The following ULK4 variants were observed in gnomAD, a reference collection of about 807,000 sequenced individuals.
The protein encoded by ULK4 is inactive serine/threonine-protein kinase ULK4.
A neutral mutation model predicts 160.6 loss-of-function variants in ULK4; 133 were observed. The observed-to-expected ratio is 0.83, with a 90% confidence interval of 0.72 to 0.96. The LOEUF is 0.96. Ranked by LOEUF, ULK4 falls within the 40% of genes least tolerant of loss-of-function variation. The pLI is 0.00. For synonymous variants in ULK4, 534 were observed against 539.8 expected (o/e 0.99, Z 0.15); for missense variants, 1,580 against 1,499.5 (o/e 1.05, Z -0.89).
intron 7 of ULK4, among the ~76,000 whole-genome samples, chr3:41,917,549 T>C (rs1699010971): frequency 6.6e-6 from 1 of 152,184 alleles, no homozygotes; most frequent in Admixed American, 6.6e-5. Flanking sequence ...TAACAATGTA[T>C]AGCAAAATGT....
chr3:41,896,535 T>A (rs1426772387), intron 15 of ULK4, among the ~76,000 whole-genome samples: 1 of 152,194 alleles, frequency 6.6e-6, no homozygotes, highest in East Asian at 1.9e-4. Context: ...ATTACAGGCA[T>A]GAGCCACTAC....
At chr3:41,458,956 A>C (rs1033078009) in intron 33 of ULK4, among the ~76,000 whole-genome samples, 6 of 152,162 alleles carry the variant, frequency 3.9e-5, no homozygotes, top group African/African-American at 1.2e-4. Flanking sequence ...GGGTTTCACC[A>C]TGTTGGCCAG....
chr3:41,779,985 T>TAAAAAAAA (rs777587812), intron 21 of ULK4, among the ~76,000 whole-genome samples: 2 of 59,318 alleles, frequency 3.4e-5, no homozygotes, highest in African/African-American at 9.3e-5. Flanking sequence ...TAGAGTATAA[T>TAAAAAAAA]AAAAAAAAAA....
intron 19 of ULK4, among the ~76,000 whole-genome samples, chr3:41,814,480 G>C (rs12631935): frequency 6.6e-6 from 1 of 152,046 alleles, no homozygotes; most frequent in Non-Finnish European, 1.5e-5. Context: ...TGTCACTTTG[G>C]AGAGATGTTT....
chr3:41,582,594 C>A (rs2030460879), intron 31 of ULK4, among the ~76,000 whole-genome samples: 1 of 152,200 alleles, frequency 6.6e-6, no homozygotes, highest in Non-Finnish European at 1.5e-5. Context: ...GCCTTCATCA[C>A]CTTGCTTTCT....
At chr3:41,735,067 G>C (rs2037980153) in intron 22 of ULK4, among the ~76,000 whole-genome samples, 1 of 152,204 alleles carries the variant, frequency 6.6e-6, no homozygotes, top group African/African-American at 2.4e-5. Flanking sequence ...ACTACAAAGA[G>C]AGGGATCGCA....
intron 32 of ULK4, among the ~76,000 whole-genome samples, chr3:41,498,339 A>AT (rs2125913805): frequency 6.6e-6 from 1 of 152,336 alleles, no homozygotes; most frequent in Admixed American, 6.5e-5. Flanking sequence ...GGAAATTAGA[A>AT]AACATTTCAA....
intron 17 of ULK4, among the ~76,000 whole-genome samples, chr3:41,849,564 G>A (rs562539603): frequency 6.6e-6 from 1 of 152,188 alleles, no homozygotes; most frequent in South Asian, 2.1e-4. Flanking sequence ...TACTATAATG[G>A]TAGATAGATG....
chr3:41,405,079 G>A (rs990942176), intron 34 of ULK4, among the ~76,000 whole-genome samples: 1 of 152,080 alleles, frequency 6.6e-6, no homozygotes, highest in East Asian at 1.9e-4. Context: ...CGTCACCCAG[G>A]TACTGAATAT....
rs143496545 is a variant in ULK4 at position 41,497,018 on chromosome 3, G to A, written c.3227-33765C>T. On this transcript the variant is annotated intron_variant, in intron 32 of 36. Transcript: ENST00000301831. ...CAAAAATTATTATGTATGCAAAGCA[G>A]CAGGGAAATGTAACCCATAACCAAA... 5.2e-3 allele frequency among the ~76,000 whole-genome samples: 714 copies of A among 137,442 alleles called. 4 individuals carry two copies. The highest frequency in any genetic ancestry group is 0.019 in the African/African-American group (689 of 37,012). The allele number at this position is 137,442 out of a possible 152,430, so 90.2% of individuals were successfully genotyped here.
At chr3:41,582,117 G>A (rs1012743129) in intron 31 of ULK4, among the ~76,000 whole-genome samples, 13 of 152,152 alleles carry the variant, frequency 8.5e-5, no homozygotes, top group African/African-American at 2.9e-4. Flanking sequence ...TGAATCATGG[G>A]GGTAATTTCC....
At chr3:41,789,240 A>G (rs770166338) in intron 21 of ULK4, among the ~76,000 whole-genome samples, 3 of 152,222 alleles carry the variant, frequency 2.0e-5, no homozygotes, top group Admixed American at 6.5e-5. Context: ...TGGGGGCTCT[A>G]TAATTTCAAC....
intron 21 of ULK4, among the ~76,000 whole-genome samples, chr3:41,773,168 G>T (rs1265711294): frequency 6.6e-6 from 1 of 152,154 alleles, no homozygotes; most frequent in Non-Finnish European, 1.5e-5. Context: ...CACAAGACAG[G>T]GATGCCCTCT....
intron 27 of ULK4, among the ~76,000 whole-genome samples, chr3:41,689,151 TCCCCTCC>T (rs1359651200): frequency 2.0e-5 from 3 of 152,142 alleles, no homozygotes; most frequent in Admixed American, 2.0e-4. Context: ...CTTCTCCCAC[TCCCCTCC>T]TTGCCTTTAA....
At chr3:41,887,027 ACAAAGT>A (rs1372007443) in intron 16 of ULK4, among the ~76,000 whole-genome samples, 6 of 152,232 alleles carry the variant, frequency 3.9e-5, no homozygotes, top group African/African-American at 1.4e-4. Context: ...AAATAAAACT[ACAAAGT>A]CAAAGTAACA....
intron 32 of ULK4, among the ~76,000 whole-genome samples, chr3:41,549,848 C>T (rs2086998371): frequency 6.6e-6 from 1 of 152,036 alleles, no homozygotes; most frequent in Admixed American, 6.6e-5. Flanking sequence ...AACTGGATCT[C>T]TCAGCAGAAA....
chr3:41,756,192 G>A (rs1019061020), intron 21 of ULK4, among the ~76,000 whole-genome samples: 20 of 151,884 alleles, frequency 1.3e-4, no homozygotes, highest in African/African-American at 2.4e-4. Flanking sequence ...TTTCTCCCAC[G>A]CCCAATTAAC....
chr3:41,510,402 C>T (rs749163788), intron 32 of ULK4, among the ~76,000 whole-genome samples: 4 of 152,122 alleles, frequency 2.6e-5, no homozygotes, highest in Non-Finnish European at 4.4e-5. Context: ...TAATACTCCA[C>T]TAACAGCACT....
chr3:41,520,400 T>C (rs1390706747), intron 32 of ULK4, among the ~76,000 whole-genome samples: 1 of 152,248 alleles, frequency 6.6e-6, no homozygotes, highest in Non-Finnish European at 1.5e-5. Flanking sequence ...TTAATTCCTT[T>C]TTATGGCTAA....
Sources: gnomAD v4.1 joint callset for allele counts (sites outside exome capture counted in the v4.1 genomes callset) on GRCh38, gnomAD v4.1.1 for gene constraint, MANE v1.5 for transcripts, NCBI Gene and HGNC (gene_info 2026-07-23, HGNC 2026-07-21) for gene names.